The following MUSK variants were observed in gnomAD, a reference collection of about 807,000 sequenced individuals.
MUSK encodes muscle associated receptor tyrosine kinase.
Under a neutral mutation model 88.7 loss-of-function variants are expected in MUSK, and 55 were observed. That is an observed-to-expected ratio of 0.62 (90% CI 0.50 to 0.78). The LOEUF (loss-of-function observed/expected upper bound fraction) is 0.78, where lower values mean the gene tolerates loss of function less well. Among genes scored for constraint, MUSK ranks in the 30% least tolerant of loss-of-function variants. The probability of loss-of-function intolerance (pLI) is 0.00; values close to 1 mark genes in which losing one functional copy is unlikely to be tolerated. For synonymous variants in MUSK, 387 were observed against 391.9 expected, an observed-to-expected ratio of 0.99 and a Z score of 0.15; for missense variants, 1,015 against 1,074.3, an observed-to-expected ratio of 0.94 and a Z score of 0.77.
chr9:110,689,176 T>C (rs1162809834), intron 3 of MUSK, among the ~76,000 whole-genome samples: 1 of 67,208 alleles, frequency 1.5e-5, no homozygotes, highest in African/African-American at 9.8e-5. Context: ...AAACTATATA[T>C]TTATATAAAT....
At chr9:110,787,132 G>A (rs1034439072) in intron 13 of MUSK, among the ~76,000 whole-genome samples, 1 of 152,124 alleles carries the variant, frequency 6.6e-6, no homozygotes, top group African/African-American at 2.4e-5. Context: ...GGAGGCCGAG[G>A]TGGTCATATC....
At chr9:110,676,364 T>TATATATATATA (rs777356764) in intron 1 of MUSK, among the ~76,000 whole-genome samples, 5 of 124,306 alleles carry the variant, frequency 4.0e-5, no homozygotes, top group African/African-American at 1.4e-4. Context: ...TATTATATAT[T>TATATATATATA]ATATATGTGT....
Position 110,695,467 on chromosome 9 carries a change from A to G in MUSK, c.423A>G (p.Pro141=). The change falls in exon 4 of 15, where the codon CCA becomes CCG. Residue 141 remains proline (P), a synonymous_variant. Transcript: ENST00000374448. ...KIIEGLKAVL[P]CTTMGNPKPS... Reference sequence around the variant, plus strand: ...TAGAGGGATTAAAAGCAGTCCTACCATGTACTACAATGGGTAATCCCAAAC... The same window carrying G: ...TAGAGGGATTAAAAGCAGTCCTACCGTGTACTACAATGGGTAATCCCAAAC... 1 of 1,554,872 alleles carries G rather than the reference A, an allele frequency of 6.4e-7. No homozygotes were observed. The highest frequency in any genetic ancestry group is 2.3e-5 in the East Asian group (1 of 42,792).
At chr9:110,701,227 T>A (rs193099681) in intron 5 of MUSK, among the ~76,000 whole-genome samples, 1 of 152,244 alleles carries the variant, frequency 6.6e-6, no homozygotes, top group Admixed American at 6.5e-5. Flanking sequence ...GGACCGTGAA[T>A]ATGGAGTAGC....
chr9:110,740,164 G>A (rs2077078781), intron 6 of MUSK, among the ~76,000 whole-genome samples: 1 of 152,092 alleles, frequency 6.6e-6, no homozygotes, highest in African/African-American at 2.4e-5. Context: ...TCATGGACTT[G>A]AACTATTTCA....
intron 14 of MUSK, among the ~76,000 whole-genome samples, chr9:110,798,668 C>T (rs1401378143): frequency 6.6e-6 from 1 of 152,058 alleles, no homozygotes; most frequent in East Asian, 1.9e-4. Context: ...AGTATTAGAC[C>T]TGAGGTTACA....
chr9:110,786,853 A>G (rs1381175363), intron 13 of MUSK, among the ~76,000 whole-genome samples: 3 of 152,182 alleles, frequency 2.0e-5, no homozygotes, highest in Non-Finnish European at 2.9e-5. Flanking sequence ...TTAATCTCCA[A>G]CTGGCACTTC....
intron 5 of MUSK, among the ~76,000 whole-genome samples, chr9:110,718,556 A>G (rs1256701679): frequency 6.6e-6 from 1 of 152,150 alleles, no homozygotes; most frequent in Non-Finnish European, 1.5e-5. Flanking sequence ...TTAAAAATGG[A>G]CAAAGCCTCC....
At chr9:110,756,756 T>G (rs2077330209) in intron 7 of MUSK, among the ~76,000 whole-genome samples, 1 of 152,140 alleles carries the variant, frequency 6.6e-6, no homozygotes. Flanking sequence ...ACCAAAGCTA[T>G]TTGTCTGGTT....
At chr9:110,722,984 G>A (rs1316754856) in intron 5 of MUSK, among the ~76,000 whole-genome samples, 1 of 152,022 alleles carries the variant, frequency 6.6e-6, no homozygotes, top group Non-Finnish European at 1.5e-5. Context: ...ATTCTTTAAA[G>A]AACTAAAAGT....
intron 6 of MUSK, among the ~76,000 whole-genome samples, chr9:110,744,449 T>A (rs560695354): frequency 2.0e-4 from 30 of 152,344 alleles, no homozygotes; most frequent in Non-Finnish European, 2.8e-4. Flanking sequence ...AATGTATTAA[T>A]GATACATTAA....
intron 9 of MUSK, among the ~76,000 whole-genome samples, chr9:110,772,625 C>G (rs1257206311): frequency 6.6e-6 from 1 of 151,802 alleles, no homozygotes; most frequent in Non-Finnish European, 1.5e-5. Flanking sequence ...ATACAAAATT[C>G]ATATATTTAT....
intron 11 of MUSK, among the ~76,000 whole-genome samples, chr9:110,781,626 T>G (rs2077762685): frequency 6.6e-6 from 1 of 152,174 alleles, no homozygotes; most frequent in East Asian, 1.9e-4. Context: ...TGCCACAGAC[T>G]GGGTGGCTTA....
In MUSK at chr9:110,806,454, A is replaced by C. The variant is rs2132083107; in HGVS notation, c.*5466A>C. ...ATGTTCATTTCTATGAATCTGTAAT[A>C]TTTGCATTTTGTTCTGGAACAAATT... On this transcript the variant is annotated 3_prime_UTR_variant, in exon 15 of 15. Coordinates refer to ENST00000374448, the MANE Select transcript of MUSK (RefSeq NM_005592.4). Among the ~76,000 whole-genome samples, 1 of 152,244 alleles carries C rather than the reference A, an allele frequency of 6.6e-6. No homozygotes were observed. Among genetic ancestry groups the C allele is most frequent in the East Asian group, 1.9e-4 (1 of 5,182 alleles).
chr9:110,782,529 CA>C (rs1262765584), intron 11 of MUSK, among the ~76,000 whole-genome samples: 1 of 152,094 alleles, frequency 6.6e-6, no homozygotes, highest in East Asian at 1.9e-4. Context: ...TTATATTTAC[CA>C]GTGAAATTAC....
intron 1 of MUSK, among the ~76,000 whole-genome samples, chr9:110,671,540 A>G (rs945985108): frequency 1.3e-5 from 2 of 152,168 alleles, no homozygotes; most frequent in Non-Finnish European, 2.9e-5. Context: ...ATTAATATCC[A>G]ACTTTGTAGA....
At chr9:110,673,613 AT>A (rs1241199556) in intron 1 of MUSK, among the ~76,000 whole-genome samples, 1 of 152,266 alleles carries the variant, frequency 6.6e-6, no homozygotes, top group East Asian at 1.9e-4. Context: ...TTTCCAAGAC[AT>A]TCTAAGACTC....
chr9:110,728,974 AC>A (rs1342462667), intron 5 of MUSK, among the ~76,000 whole-genome samples: 1 of 152,030 alleles, frequency 6.6e-6, no homozygotes, highest in Non-Finnish European at 1.5e-5. Context: ...CTCTGGAAAT[AC>A]AAACAAAATG....
chr9:110,755,216 T>G (rs937230521), intron 7 of MUSK, among the ~76,000 whole-genome samples: 2 of 152,196 alleles, frequency 1.3e-5, no homozygotes, highest in African/African-American at 4.8e-5. Context: ...GAAATCCAGC[T>G]TTTCTCACTG....
Sources: allele counts gnomAD v4.1 joint callset (sites outside exome capture counted in the v4.1 genomes callset), GRCh38; gene constraint gnomAD v4.1.1; transcripts MANE v1.5; gene names NCBI Gene and HGNC (gene_info 2026-07-23, HGNC 2026-07-21).